Variants in CEP85L observed in about 807,000 individuals in gnomAD.
CEP85L encodes centrosomal protein of 85 kDa-like.
In CEP85L, 60 loss-of-function variants were observed where a neutral mutation model predicts 100.3. That is an observed-to-expected ratio of 0.60 (90% CI 0.49 to 0.74). CEP85L has a LOEUF of 0.74. Among genes scored for constraint, CEP85L ranks in the 30% least tolerant of loss-of-function variants. The pLI is 0.00. For missense variants in CEP85L, 973 were observed against 936.2 expected (o/e 1.04, Z -0.51); for synonymous variants, 319 against 322.7 (o/e 0.99, Z 0.12).
intron 2 of CEP85L, among the ~76,000 whole-genome samples, chr6:118,585,628 C>A (rs150169485): frequency 6.6e-6 from 1 of 152,224 alleles, no homozygotes; most frequent in Non-Finnish European, 1.5e-5. Context: ...CTCCCCTTGA[C>A]GGCCTCCAGC....
At chr6:118,590,884 G>T (rs1243913771) in intron 2 of CEP85L, among the ~76,000 whole-genome samples, 2 of 152,148 alleles carry the variant, frequency 1.3e-5, no homozygotes, top group Non-Finnish European at 2.9e-5. Context: ...ATGTGTCCGT[G>T]TCGTTTTATT....
intron 2 of CEP85L, among the ~76,000 whole-genome samples, chr6:118,619,799 T>A (rs1348998813): frequency 6.6e-6 from 1 of 152,216 alleles, no homozygotes; most frequent in Non-Finnish European, 1.5e-5. Flanking sequence ...GGCATCATGT[T>A]GCTCCTTGAT....
At chr6:118,585,716 G>C (rs1724540890) in intron 2 of CEP85L, among the ~76,000 whole-genome samples, 1 of 152,208 alleles carries the variant, frequency 6.6e-6, no homozygotes, top group Non-Finnish European at 1.5e-5. Flanking sequence ...CCCAGAGATT[G>C]TTTTCAGGAA....
intron 2 of CEP85L, among the ~76,000 whole-genome samples, chr6:118,620,075 A>T (rs2115271416): frequency 6.6e-6 from 1 of 152,332 alleles, no homozygotes; most frequent in East Asian, 1.9e-4. Flanking sequence ...ACTCAATGCT[A>T]TCCACAATTA....
At chr6:118,649,929 A>T (rs1314770065) in intron 1 of CEP85L, among the ~76,000 whole-genome samples, 2 of 152,212 alleles carry the variant, frequency 1.3e-5, no homozygotes, top group South Asian at 2.1e-4. Flanking sequence ...AAAACCACAC[A>T]TCACAAATAT....
At chr6:118,685,390 A>G (rs1383453323) in intron 1 of CEP85L, among the ~76,000 whole-genome samples, 1 of 152,182 alleles carries the variant, frequency 6.6e-6, no homozygotes, top group African/African-American at 2.4e-5. Context: ...TTATAGAAAT[A>G]ATGTGATGTA....
chr6:118,491,161 T>G (rs1253134588), intron 6 of CEP85L, among the ~76,000 whole-genome samples: 1 of 150,214 alleles, frequency 6.7e-6, no homozygotes. Flanking sequence ...ACCAATAGTG[T>G]AAAATCATTC....
chr6:118,470,041 G>C (rs1024752546), intron 11 of CEP85L, among the ~76,000 whole-genome samples: 7 of 152,034 alleles, frequency 4.6e-5, no homozygotes, highest in African/African-American at 1.7e-4. Context: ...CATATTGGTG[G>C]GGGGAAGCAT....
At chr6:118,615,621 G>T (rs1454066700) in intron 2 of CEP85L, among the ~76,000 whole-genome samples, 1 of 152,112 alleles carries the variant, frequency 6.6e-6, no homozygotes, top group African/African-American at 2.4e-5. Flanking sequence ...TTTACCTGGG[G>T]GTTTTAGGCC....
chr6:118,546,711 C>G (rs1778224670), intron 3 of CEP85L, among the ~76,000 whole-genome samples: 1 of 152,170 alleles, frequency 6.6e-6, no homozygotes, highest in Non-Finnish European at 1.5e-5. Flanking sequence ...TGACAAATTA[C>G]TGTAAACCTC....
intron 1 of CEP85L, among the ~76,000 whole-genome samples, chr6:118,701,450 AG>A (rs1225523390): frequency 1.3e-5 from 2 of 152,248 alleles, no homozygotes; most frequent in Non-Finnish European, 2.9e-5. Context: ...GCCATAAAAA[AG>A]AACAAGTTCG....
In CEP85L at chr6:118,482,585, G is replaced by A. The variant is rs570657943; in HGVS notation, c.1591-652C>T. ...CCACTGTATGTATATACCACCTTTA[G>A]TTTATCCATTTATCTGGTCATGGAC... On this transcript the variant is annotated intron_variant, in intron 7 of 12. Coordinates refer to ENST00000368491, the MANE Select transcript of CEP85L (RefSeq NM_001042475.3). 9.9e-5 allele frequency among the ~76,000 whole-genome samples: 15 copies of A among 152,218 alleles called. No individual in the cohort carries two copies. The East Asian group carries it at 2.9e-3, about 29-fold the overall frequency.
intron 3 of CEP85L, chr6:118,559,269 T>C: frequency 3.3e-6 from 2 of 614,652 alleles, no homozygotes; most frequent in Non-Finnish European, 3.0e-6. Flanking sequence ...CTTGTAAACA[T>C]GAAAAGGGCT....
intron 1 of CEP85L, among the ~76,000 whole-genome samples, chr6:118,709,379 C>T (rs1236471695): frequency 6.6e-6 from 1 of 152,104 alleles, no homozygotes; most frequent in African/African-American, 2.4e-5. Context: ...TGAGTGTGTA[C>T]GCCAGATTGG....
intron 2 of CEP85L, among the ~76,000 whole-genome samples, chr6:118,618,657 G>C (rs1773235641): frequency 6.6e-6 from 1 of 152,112 alleles, no homozygotes; most frequent in South Asian, 2.1e-4. Flanking sequence ...CGGGATACTG[G>C]TACCACCTTA....
chr6:118,624,103 G>T (rs1773627105), intron 2 of CEP85L, among the ~76,000 whole-genome samples: 1 of 152,094 alleles, frequency 6.6e-6, no homozygotes, highest in Non-Finnish European at 1.5e-5. Context: ...CCCACTTGAG[G>T]CCCTGCTTCT....
At chr6:118,589,072 GA>G in intron 2 of CEP85L, 1 of 303,426 alleles carries the variant, frequency 3.3e-6, no homozygotes, top group Non-Finnish European at 6.9e-6. Context: ...CCAATGCCAT[GA>G]ACGGAGACAG....
intron 2 of CEP85L, among the ~76,000 whole-genome samples, chr6:118,576,237 C>A (rs939097950): frequency 3.9e-4 from 60 of 152,332 alleles, no homozygotes; most frequent in African/African-American, 1.3e-3. Context: ...CTGTCTGTCT[C>A]TTTCCTCCCT....
intron 1 of CEP85L, among the ~76,000 whole-genome samples, chr6:118,707,921 C>A (rs1777648008): frequency 1.5e-5 from 2 of 129,182 alleles, no homozygotes; most frequent in Admixed American, 1.9e-4. Context: ...ATCTAAAAGA[C>A]CAATACAACC....
Sources: gnomAD v4.1 joint callset for allele counts (sites outside exome capture counted in the v4.1 genomes callset) on GRCh38, gnomAD v4.1.1 for gene constraint, MANE v1.5 for transcripts, NCBI Gene and HGNC (gene_info 2026-07-23, HGNC 2026-07-21) for gene names.